The following ALKBH3 variants were observed in gnomAD, a reference collection of about 807,000 sequenced individuals.
ALKBH3 encodes alpha-ketoglutarate-dependent dioxygenase alkB homolog 3.
Under a neutral mutation model 43.9 loss-of-function variants are expected in ALKBH3, and 51 were observed. That is an observed-to-expected ratio of 1.16 (90% CI 0.93 to 1.47). The LOEUF (loss-of-function observed/expected upper bound fraction) is 1.47, where lower values mean the gene tolerates loss of function less well. Ranked by LOEUF, ALKBH3 falls within the 40% of genes most tolerant of loss-of-function variation. ALKBH3 has a pLI of 0.00. For synonymous variants in ALKBH3, 102 were observed against 115.2 expected, an observed-to-expected ratio of 0.89 and a Z score of 0.73; for missense variants, 361 against 351.9, an observed-to-expected ratio of 1.03 and a Z score of -0.21.
In ALKBH3 at chr11:43,889,791, A is replaced by G; in HGVS notation, c.333A>G (p.Gln111=). 1 of 1,614,032 alleles carries G rather than the reference A, an allele frequency of 6.2e-7. No individual in the cohort carries two copies. Among genetic ancestry groups the G allele is most frequent in the Non-Finnish European group, 8.5e-7 (1 of 1,179,926 alleles). ...ACTGGATATTGGAACAGCTTTGTCA[A>G]GATGTTCCCTGGAAACAGAGGACTG... is the stretch of plus-strand genomic sequence containing the variant. The part of the protein sequence containing the change: ...EADWILEQLC[Q]DVPWKQRTGI... The change falls in exon 6 of 10, where the codon CAA becomes CAG. Residue 111 remains glutamine, a synonymous_variant. Transcript: ENST00000302708.
At position 43,897,697 on chromosome 11, in the gene ALKBH3, T is replaced by C. The variant is rs1951829298; in HGVS notation, c.460-3819T>C. 2.1e-5 allele frequency: 17 copies of C among 819,542 alleles called. No individual in the cohort carries two copies. In the South Asian group the frequency reaches 2.3e-4, roughly 11 times the overall value. 50.8% of individuals were successfully genotyped at this position (819,542 alleles called of 1,614,324 possible). ...GCAGGAGTTGATTACGTTTATTTTG[T>C]CCAGAAGAACTCACTGAATTCTCGG... On this transcript the variant is annotated intron_variant, in intron 7 of 9. Transcript: ENST00000302708.
intron 3 of ALKBH3, 46 bp downstream of exon 3, chr11:43,883,234 A>C (rs1268158347): frequency 6.9e-7 from 1 of 1,443,356 alleles, no homozygotes; most frequent in Non-Finnish European, 9.6e-7. Context: ...ATTTGCTTAG[A>C]AAAGTGATAT....
At chr11:43,918,597 G>A (rs1054208998) in intron 8 of ALKBH3, among the ~76,000 whole-genome samples, 1 of 152,216 alleles carries the variant, frequency 6.6e-6, no homozygotes, top group East Asian at 1.9e-4. Context: ...TGGTTAAAAG[G>A]ACATTTTTCC....
At chr11:43,918,617 T>C (rs892856580) in intron 8 of ALKBH3, among the ~76,000 whole-genome samples, 3 of 152,180 alleles carry the variant, frequency 2.0e-5, no homozygotes, top group Non-Finnish European at 4.4e-5. Context: ...CCACACTGAG[T>C]ATGTCAAAAT....
At chr11:43,899,514 C>T in intron 7 of ALKBH3, 1 of 695,264 alleles carries the variant, frequency 1.4e-6, no homozygotes, top group Non-Finnish European at 2.7e-6. Context: ...TTGAGTGCAC[C>T]ACCACCTTCT....
intron 7 of ALKBH3, among the ~76,000 whole-genome samples, chr11:43,893,632 T>C (rs1211064127): frequency 6.6e-6 from 1 of 152,216 alleles, no homozygotes; most frequent in Non-Finnish European, 1.5e-5. Context: ...AGAATCTTTT[T>C]TTCTGTAACA....
intron 7 of ALKBH3, among the ~76,000 whole-genome samples, chr11:43,900,361 C>G (rs1590374043): frequency 6.6e-6 from 1 of 151,142 alleles, no homozygotes; most frequent in Non-Finnish European, 1.5e-5. Context: ...GTAGCTGGGA[C>G]TACAGGCGCA....
intron 8 of ALKBH3, among the ~76,000 whole-genome samples, chr11:43,918,010 G>A (rs1951997415): frequency 6.6e-6 from 1 of 152,198 alleles, no homozygotes; most frequent in African/African-American, 2.4e-5. Flanking sequence ...CACCCATACA[G>A]TAATAAACAT....
At chr11:43,914,638 T>C (rs964391828) in intron 8 of ALKBH3, among the ~76,000 whole-genome samples, 1 of 152,110 alleles carries the variant, frequency 6.6e-6, no homozygotes, top group Non-Finnish European at 1.5e-5. Context: ...TTTCTAAGCA[T>C]AAAAATCATG....
At chr11:43,903,513 T>G (rs1414165408) in intron 8 of ALKBH3, among the ~76,000 whole-genome samples, 1 of 152,180 alleles carries the variant, frequency 6.6e-6, no homozygotes, top group Non-Finnish European at 1.5e-5. Context: ...TAGCAGTGAA[T>G]GAGTAAGATG....
At chr11:43,899,287 T>C in intron 7 of ALKBH3, 2 of 708,420 alleles carry the variant, frequency 2.8e-6, no homozygotes, top group Non-Finnish European at 5.3e-6. Context: ...AGGGCTCGCA[T>C]GTGACCACGT....
intron 8 of ALKBH3, chr11:43,909,312 T>C (rs996505619): frequency 6.6e-6 from 1 of 152,250 alleles, no homozygotes; most frequent in African/African-American, 2.4e-5. Context: ...AGCTTTATTC[T>C]CTCTCCATCA....
At position 43,882,731 on chromosome 11, in the gene ALKBH3, G is replaced by A. The variant is rs371627856; in HGVS notation, c.79G>A (p.Ala27Thr). The A allele has an allele frequency of 2.7e-5, 44 of 1,610,704 alleles. 1 individual carries two copies. In the Middle Eastern group the frequency reaches 2.5e-3, roughly 91 times the overall value. ...TAAAAGCCAGGCCATTGCTCAGCCA[G>A]GCAAGAATCTGTAGGGATTTTGTGT... ...PVKSQAIAQP[A>T]TTAKSHLHQK... Residue 27 changes from alanine to threonine, a missense_variant and splice_region_variant, in exon 2 of 10, where the codon GCT becomes ACT. By Grantham distance (58) the Ala-to-Thr change is moderately conservative. Coordinates refer to ENST00000302708, the MANE Select transcript of ALKBH3 (RefSeq NM_139178.4).
rs533194227 is a variant in ALKBH3, at chr11:43,898,576, A to G, written c.460-2940A>G. 5.9e-4 allele frequency: 453 copies of G among 764,194 alleles called. 4 individuals are homozygous for G. Among genetic ancestry groups the G allele is most frequent in the South Asian group, 5.2e-3 (386 of 74,252 alleles). 47.3% of individuals were successfully genotyped at this position (764,194 alleles called of 1,614,324 possible). A position where few individuals can be genotyped will look rare whatever the true frequency, so the allele number is the denominator to read the frequency against. The stretch of plus-strand genomic sequence containing the variant: ...GCTAAGGCGATGTGAAGAGAATACA[A>G]AAGTCTTTGTTTGGCCTATCAGCTC... On this transcript the variant is annotated intron_variant, in intron 7 of 9. Coordinates refer to ENST00000302708, the MANE Select transcript of ALKBH3 (RefSeq NM_139178.4).
chr11:43,902,996 C>CT (rs1323374670), intron 8 of ALKBH3, among the ~76,000 whole-genome samples: 23 of 152,212 alleles, frequency 1.5e-4, no homozygotes, highest in Admixed American at 1.5e-3. Context: ...AGTTAACAGA[C>CT]TGAGTGTTTT....
At chr11:43,902,362 C>T (rs1951869216) in intron 8 of ALKBH3, among the ~76,000 whole-genome samples, 1 of 152,202 alleles carries the variant, frequency 6.6e-6, no homozygotes, top group Non-Finnish European at 1.5e-5. Flanking sequence ...CTTCAGTTTC[C>T]ACCCCAGCGC....
intron 6 of ALKBH3, among the ~76,000 whole-genome samples, 153 bp downstream of exon 6, chr11:43,889,981 G>A (rs1367920425): frequency 6.6e-6 from 1 of 152,160 alleles, no homozygotes; most frequent in Non-Finnish European, 1.5e-5. Context: ...AAAGGACAGG[G>A]AAGAGTATTC....
chr11:43,919,708 C>G (rs967076447), intron 9 of ALKBH3: 1 of 510,256 alleles, frequency 2.0e-6, no homozygotes, highest in African/African-American at 1.9e-5. Context: ...TATCTCACTT[C>G]AGAGGTGCTG....
chr11:43,897,567 G>A (rs1951828247), intron 7 of ALKBH3: 1 of 785,798 alleles, frequency 1.3e-6, no homozygotes, highest in Non-Finnish European at 2.4e-6. Flanking sequence ...GACATTCATG[G>A]GCAGTGACAC....
Sources: allele counts gnomAD v4.1 joint callset (sites outside exome capture counted in the v4.1 genomes callset), GRCh38; gene constraint gnomAD v4.1.1; transcripts MANE v1.5; gene names NCBI Gene and HGNC (gene_info 2026-07-23, HGNC 2026-07-21).